Variants in UTRN observed in about 807,000 individuals in gnomAD.
The protein encoded by UTRN is dystrophin-related protein 1.
In UTRN, 283 loss-of-function variants were observed where a neutral mutation model predicts 463.9. That is an observed-to-expected ratio of 0.61 (90% CI 0.55 to 0.67). The LOEUF (loss-of-function observed/expected upper bound fraction) is 0.67, where lower values mean the gene tolerates loss of function less well. Ranked by LOEUF, UTRN falls within the 30% of genes least tolerant of loss-of-function variation. The pLI, the probability that UTRN is intolerant of heterozygous loss-of-function variation, is 0.00. For missense variants in UTRN, 3,922 were observed against 4,084.3 expected, an observed-to-expected ratio of 0.96 and a Z score of 1.08; for synonymous variants, 1,442 against 1,431.5, an observed-to-expected ratio of 1.01 and a Z score of -0.17.
At chr6:144,451,631 G>A in intron 18 of UTRN, 138 bp downstream of exon 18, 1 of 1,064,452 alleles carries the variant, frequency 9.4e-7, no homozygotes, top group Non-Finnish European at 1.3e-6. Context: ...TTAGTACATT[G>A]TAGTGAATTT....
Position 144,490,913 on chromosome 6 carries a change from T to C in UTRN, c.4264-16T>C, listed in dbSNP as rs906346849. The C allele has an allele frequency of 6.4e-7, 1 of 1,561,634 alleles. No homozygotes were observed. The highest frequency in any genetic ancestry group is 8.7e-7 in the Non-Finnish European group (1 of 1,152,024). On this transcript the variant is annotated splice_polypyrimidine_tract_variant and intron_variant, in intron 31 of 74. Transcript: ENST00000367545. ...TCATCCTGATGGGAATTGCATATTT[T>C]CATTTCTGCAAACAGAGGAAACTCC...
intron 2 of UTRN, among the ~76,000 whole-genome samples, chr6:144,383,608 C>T (rs1781130343): frequency 6.6e-6 from 1 of 152,170 alleles, no homozygotes. Context: ...CTTCTCCCCT[C>T]CTCTGGGCGG....
intron 62 of UTRN, among the ~76,000 whole-genome samples, chr6:144,791,264 T>C (rs1251240641): frequency 6.6e-6 from 1 of 152,234 alleles, no homozygotes; most frequent in Admixed American, 6.5e-5. Flanking sequence ...GTCTGAACAT[T>C]GATTTTATTA....
chr6:144,797,387 G>GT (rs961674648), intron 63 of UTRN, among the ~76,000 whole-genome samples: 6 of 152,040 alleles, frequency 3.9e-5, no homozygotes, highest in African/African-American at 1.4e-4. Context: ...TAGAGACGGG[G>GT]TTTCACCGTG....
chr6:144,330,044 G>A (rs1584304285), intron 2 of UTRN, among the ~76,000 whole-genome samples: 1 of 152,334 alleles, frequency 6.6e-6, no homozygotes, highest in African/African-American at 2.4e-5. Flanking sequence ...ACATTCTGCA[G>A]TGCTGTCATG....
intron 2 of UTRN, among the ~76,000 whole-genome samples, chr6:144,378,888 A>G (rs1364727913): frequency 3.3e-5 from 5 of 152,216 alleles, no homozygotes; most frequent in Admixed American, 2.6e-4. Context: ...GGATGGACTC[A>G]AGCTGTATTT....
intron 54 of UTRN, among the ~76,000 whole-genome samples, chr6:144,732,463 T>C (rs955571698): frequency 6.6e-6 from 1 of 151,918 alleles, no homozygotes; most frequent in Non-Finnish European, 1.5e-5. Context: ...CATTGTTCTG[T>C]CATCTGTGTG....
chr6:144,839,760 G>A (rs963832914), intron 72 of UTRN, among the ~76,000 whole-genome samples: 8 of 152,268 alleles, frequency 5.3e-5, no homozygotes, highest in East Asian at 3.9e-4. Flanking sequence ...GCGGTCCCAC[G>A]CAGCCTGTCC....
chr6:144,689,234 C>A (rs1289926253), intron 52 of UTRN, among the ~76,000 whole-genome samples: 1 of 152,122 alleles, frequency 6.6e-6, no homozygotes, highest in Non-Finnish European at 1.5e-5. Context: ...ACAGGTGCAC[C>A]CACGCCAAGC....
intron 52 of UTRN, among the ~76,000 whole-genome samples, chr6:144,679,372 A>G (rs1781981271): frequency 6.6e-6 from 1 of 152,108 alleles, no homozygotes. Flanking sequence ...AAAATATGTT[A>G]TTGAGCAAAA....
intron 57 of UTRN, among the ~76,000 whole-genome samples, chr6:144,756,745 G>A (rs1194670604): frequency 6.6e-6 from 1 of 152,076 alleles, no homozygotes; most frequent in Non-Finnish European, 1.5e-5. Context: ...AGAACAGAGT[G>A]CTTGCCTTTT....
chr6:144,515,514 A>C (rs992076583), intron 37 of UTRN, among the ~76,000 whole-genome samples: 2 of 152,128 alleles, frequency 1.3e-5, no homozygotes, highest in Admixed American at 1.3e-4. Context: ...CAAATCTAAA[A>C]GTTACAGATA....
intron 50 of UTRN, among the ~76,000 whole-genome samples, chr6:144,558,037 A>T (rs1799546077): frequency 1.3e-5 from 2 of 152,358 alleles, no homozygotes; most frequent in South Asian, 4.1e-4. Flanking sequence ...AATTACGCAC[A>T]TCTTTATTAA....
intron 2 of UTRN, among the ~76,000 whole-genome samples, chr6:144,307,582 G>T (rs935835329): frequency 2.0e-5 from 3 of 152,148 alleles, no homozygotes; most frequent in Middle Eastern, 6.3e-3. Context: ...TCACACTTTT[G>T]CTGTAACTCA....
intron 41 of UTRN, 86 bp from the exon 42 acceptor site, chr6:144,530,965 GA>G (rs1797004742): frequency 2.1e-6 from 3 of 1,422,060 alleles, no homozygotes; most frequent in Non-Finnish European, 2.8e-6. Flanking sequence ...CTGTTTAAAT[GA>G]AATTTGATTT....
chr6:144,501,258 G>A lies in UTRN; in HGVS notation c.4764+1831G>A, dbSNP rs112890553. Among the ~76,000 whole-genome samples, 959 of 152,222 alleles carry A rather than the reference G, an allele frequency of 6.3e-3. 7 individuals carry two copies. The highest frequency in any genetic ancestry group is 0.022 in the African/African-American group (902 of 41,522). On this transcript the variant is annotated intron_variant, in intron 34 of 74. Transcript: ENST00000367545. ...TGTTGTGGTTGAATGCAAAACAAAG[G>A]CACCAAACTTTATTGTTGTTAAATT...
intron 46 of UTRN, among the ~76,000 whole-genome samples, chr6:144,547,754 G>A (rs1388207927): frequency 6.6e-6 from 1 of 151,942 alleles, no homozygotes; most frequent in Non-Finnish European, 1.5e-5. Context: ...TTAATATCTG[G>A]GAGGGCATAT....
At chr6:144,514,905 T>A (rs1795482912) in intron 37 of UTRN, 85 bp downstream of exon 37, 1 of 1,360,106 alleles carries the variant, frequency 7.4e-7, no homozygotes, top group African/African-American at 1.5e-5. Context: ...CATCAACAAT[T>A]TTGTTTTATT....
intron 52 of UTRN, among the ~76,000 whole-genome samples, chr6:144,687,175 A>G (rs149711123): frequency 1.1e-3 from 175 of 152,184 alleles, no homozygotes; most frequent in African/African-American, 4.0e-3. Context: ...GATTTGGTTT[A>G]CTAGTATTTT....
Sources: gnomAD v4.1 joint callset for allele counts (sites outside exome capture counted in the v4.1 genomes callset) on GRCh38, gnomAD v4.1.1 for gene constraint, MANE v1.5 for transcripts, NCBI Gene and HGNC (gene_info 2026-07-23, HGNC 2026-07-21) for gene names.